TAFA5: variants seen among roughly 807,000 people sequenced by gnomAD.
TAFA5 encodes TAFA chemokine like family member 5, also known as chemokine-like protein TAFA-5.
A neutral mutation model predicts 15.3 loss-of-function variants in TAFA5; 6 were observed. The observed-to-expected ratio is 0.39, with a 90% CI of 0.21 to 0.77. The LOEUF is 0.77. TAFA5 is among the 30% of genes least tolerant of loss of function. The pLI, the probability that TAFA5 is intolerant of heterozygous loss-of-function variation, is 0.41. For missense variants in TAFA5, 161 were observed against 193.1 expected (o/e 0.83, Z 0.98); for synonymous variants, 103 against 80.7 (o/e 1.28, Z -1.48).
chr22:48,574,939 G>A (rs1017731409), intron 1 of TAFA5, among the ~76,000 whole-genome samples: 2 of 152,228 alleles, frequency 1.3e-5, no homozygotes, highest in African/African-American at 4.8e-5. Context: ...CGGAACGTGG[G>A]CATTAACAGT....
intron 1 of TAFA5, among the ~76,000 whole-genome samples, chr22:48,553,946 G>A (rs1922943790): frequency 6.6e-6 from 1 of 152,208 alleles, no homozygotes; most frequent in African/African-American, 2.4e-5. Context: ...CACTGTGCTT[G>A]TCCAGGCCAC....
chr22:48,618,028 G>A (rs1925674520), intron 1 of TAFA5, among the ~76,000 whole-genome samples: 1 of 152,192 alleles, frequency 6.6e-6, no homozygotes, highest in Non-Finnish European at 1.5e-5. Context: ...GTGGCACACT[G>A]GGATTTGAAC....
intron 1 of TAFA5, among the ~76,000 whole-genome samples, chr22:48,625,126 AAGAG>A (rs894030826): frequency 3.3e-5 from 5 of 151,030 alleles, no homozygotes; most frequent in Admixed American, 6.6e-5. Flanking sequence ...AAAAAAAAAA[AAGAG>A]AGAGAGAGAG....
chr22:48,580,003 C>A (rs190098473), intron 1 of TAFA5, among the ~76,000 whole-genome samples: 8 of 152,160 alleles, frequency 5.3e-5, no homozygotes, highest in African/African-American at 1.9e-4. Context: ...ACGGCTTGAA[C>A]GTGCTGTGCA....
intron 1 of TAFA5, among the ~76,000 whole-genome samples, chr22:48,507,132 G>A (rs80003393): frequency 6.6e-6 from 1 of 151,786 alleles, no homozygotes; most frequent in African/African-American, 2.4e-5. Context: ...AGGGCCAGGT[G>A]TGCAGTAGGA....
chr22:48,634,765 TCAGC>T (rs550896452), intron 1 of TAFA5, among the ~76,000 whole-genome samples: 2,304 of 42,938 alleles, frequency 0.054, 73 homozygotes, highest in African/African-American at 0.28. Context: ...ACTCAGTCAC[TCAGC>T]CACTCATTTA....
At chr22:48,526,488 G>GAGAC (rs2147110166) in intron 1 of TAFA5, among the ~76,000 whole-genome samples, 1 of 152,364 alleles carries the variant, frequency 6.6e-6, no homozygotes, top group African/African-American at 2.4e-5. Context: ...CCACAAGGGA[G>GAGAC]AGACGGGCTG....
chr22:48,561,121 G>C (rs545364998), intron 1 of TAFA5, among the ~76,000 whole-genome samples: 16 of 152,130 alleles, frequency 1.1e-4, no homozygotes, highest in Non-Finnish European at 1.9e-4. Context: ...GGGAAGGCGT[G>C]TGTGATCATA....
chr22:48,707,760 T>C lies in TAFA5; in HGVS notation c.306T>C (p.Cys102=), dbSNP rs1242037835. The C allele has an allele frequency of 1.2e-6, 2 of 1,613,922 alleles. No individual in the cohort carries two copies. The highest frequency in any genetic ancestry group is 1.7e-5 in the Admixed American group (1 of 60,038). Residue 102 remains cysteine, a synonymous_variant, in exon 3 of 4, where the codon TGT becomes TGC. Transcript: ENST00000402357. ...AGCAGTGGTGTGACATGCTTCCGTG[T>C]CTGGAGGGGGAAGGCTGCGACTTGT... ...KTKQWCDMLP[C]LEGEGCDLLI...
At chr22:48,730,658 G>C (rs1279802796) in intron 3 of TAFA5, among the ~76,000 whole-genome samples, 2 of 152,010 alleles carry the variant, frequency 1.3e-5, no homozygotes, top group Non-Finnish European at 2.9e-5. Context: ...TACTATATCT[G>C]TTACGGTGAT....
chr22:48,528,351 T>A (rs555944236), intron 1 of TAFA5, among the ~76,000 whole-genome samples: 1 of 151,896 alleles, frequency 6.6e-6, no homozygotes, highest in Non-Finnish European at 1.5e-5. Context: ...AGGAAAGGGT[T>A]CTGCTCTGGG....
At chr22:48,640,123 C>A (rs1569059820) in intron 1 of TAFA5, among the ~76,000 whole-genome samples, 1 of 152,248 alleles carries the variant, frequency 6.6e-6, no homozygotes, top group Admixed American at 6.5e-5. Context: ...CGGCGCCAGG[C>A]TCTTCGGCTC....
At chr22:48,672,699 T>C (rs17823645) in intron 2 of TAFA5, among the ~76,000 whole-genome samples, 13,077 of 152,276 alleles carry the variant, frequency 0.086, 901 homozygotes, top group African/African-American at 0.18. Flanking sequence ...GACCTTTTGA[T>C]TCTGATGCAT....
At chr22:48,676,691 T>C (rs1927982686) in intron 2 of TAFA5, among the ~76,000 whole-genome samples, 1 of 152,244 alleles carries the variant, frequency 6.6e-6, no homozygotes, top group Admixed American at 6.5e-5. Context: ...CAGTGTGGAC[T>C]AGCCAGTGTG....
At chr22:48,619,696 G>A (rs763567380) in intron 1 of TAFA5, among the ~76,000 whole-genome samples, 4 of 152,358 alleles carry the variant, frequency 2.6e-5, no homozygotes, top group South Asian at 4.1e-4. Flanking sequence ...AACTGTTGGC[G>A]TCAGGACCGG....
At chr22:48,496,955 CT>C (rs1449247997) in intron 1 of TAFA5, among the ~76,000 whole-genome samples, 4 of 152,298 alleles carry the variant, frequency 2.6e-5, no homozygotes, top group Admixed American at 2.0e-4. Context: ...CAGAAAGAGG[CT>C]TGGCGCCCCC....
At chr22:48,630,266 T>C (rs1926169555) in intron 1 of TAFA5, among the ~76,000 whole-genome samples, 1 of 152,138 alleles carries the variant, frequency 6.6e-6, no homozygotes, top group South Asian at 2.1e-4. Flanking sequence ...GCTCGCTGAA[T>C]GACGTGTCCC....
intron 2 of TAFA5, among the ~76,000 whole-genome samples, chr22:48,683,097 TAAGTTATAC>T (rs1928245980): frequency 6.6e-6 from 1 of 152,182 alleles, no homozygotes; most frequent in South Asian, 2.1e-4. Context: ...TAATTCTACT[TAAGTTATAC>T]AGTCCCGGTG....
chr22:48,670,796 G>A (rs1927779419), intron 2 of TAFA5, among the ~76,000 whole-genome samples: 1 of 152,222 alleles, frequency 6.6e-6, no homozygotes, highest in Non-Finnish European at 1.5e-5. Flanking sequence ...AATTTTACAT[G>A]ATGGAGACCA....
Sources: gnomAD v4.1 joint callset for allele counts (sites outside exome capture counted in the v4.1 genomes callset) on GRCh38, gnomAD v4.1.1 for gene constraint, MANE v1.5 for transcripts, NCBI Gene and HGNC (gene_info 2026-07-23, HGNC 2026-07-21) for gene names.